The following MACROD2 variants were observed in gnomAD, a reference collection of about 807,000 sequenced individuals.
MACROD2 encodes ADP-ribose glycohydrolase MACROD2.
Under a neutral mutation model 70.4 loss-of-function variants are expected in MACROD2, and 36 were observed. The ratio of observed to expected loss-of-function variants is 0.51; its 90% confidence interval spans 0.39 to 0.68. The LOEUF (loss-of-function observed/expected upper bound fraction) is 0.68, where lower values mean the gene tolerates loss of function less well. MACROD2 is among the 30% of genes least tolerant of loss of function. MACROD2 has a pLI of 0.00. For synonymous variants in MACROD2, 172 were observed against 178.8 expected (o/e 0.96, Z 0.30); for missense variants, 496 against 538.4 (o/e 0.92, Z 0.78).
chr20:14,108,814 A>T (rs2054407034), intron 3 of MACROD2, among the ~76,000 whole-genome samples: 3 of 152,046 alleles, frequency 2.0e-5, no homozygotes, highest in Admixed American at 1.3e-4. Flanking sequence ...ATACAATAAT[A>T]ACTGGAGACT....
intron 5 of MACROD2, among the ~76,000 whole-genome samples, chr20:14,836,547 C>T (rs74650774): frequency 0.016 from 2,451 of 152,042 alleles, 77 homozygotes; most frequent in African/African-American, 0.055. Flanking sequence ...AGTAGGAATC[C>T]TCCAATCTGA....
chr20:14,152,531 A>G (rs2055039811), intron 3 of MACROD2, among the ~76,000 whole-genome samples: 1 of 151,314 alleles, frequency 6.6e-6, no homozygotes, highest in African/African-American at 2.4e-5. Context: ...GGTTCAAGCA[A>G]TTCTCCTGCC....
At chr20:15,861,376 G>A (rs2064422212) in intron 8 of MACROD2, among the ~76,000 whole-genome samples, 1 of 152,206 alleles carries the variant, frequency 6.6e-6, no homozygotes, top group African/African-American at 2.4e-5. Context: ...CCTGGGGAAT[G>A]AGTTGACAAT....
At chr20:14,721,021 G>A (rs964904588) in intron 5 of MACROD2, among the ~76,000 whole-genome samples, 1 of 151,972 alleles carries the variant, frequency 6.6e-6, no homozygotes, top group Non-Finnish European at 1.5e-5. Context: ...TAGGGAGGCC[G>A]AGGCGGGTGG....
intron 4 of MACROD2, among the ~76,000 whole-genome samples, chr20:14,553,281 T>G (rs956795738): frequency 1.3e-5 from 2 of 151,916 alleles, no homozygotes; most frequent in African/African-American, 2.4e-5. Context: ...GTCTTCCACC[T>G]CCACATCTTT....
At chr20:15,170,909 G>T (rs950074124) in intron 5 of MACROD2, among the ~76,000 whole-genome samples, 2 of 152,220 alleles carry the variant, frequency 1.3e-5, no homozygotes, top group Non-Finnish European at 2.9e-5. Flanking sequence ...GCCCAGCTTA[G>T]AGAGAGAGAT....
intron 6 of MACROD2, among the ~76,000 whole-genome samples, chr20:15,253,555 G>A (rs11907454): frequency 0.093 from 14,158 of 152,210 alleles, 1,492 homozygotes; most frequent in African/African-American, 0.26. Flanking sequence ...TTGTAAAGCA[G>A]TGAACACTAG....
chr20:14,426,659 A>C (rs1291329795), intron 3 of MACROD2, among the ~76,000 whole-genome samples: 2 of 152,096 alleles, frequency 1.3e-5, no homozygotes, highest in African/African-American at 2.4e-5. Flanking sequence ...TAAACTTCAG[A>C]GTTATCATCT....
chr20:14,764,148 A>G (rs868026729), intron 5 of MACROD2, among the ~76,000 whole-genome samples: 1 of 151,992 alleles, frequency 6.6e-6, no homozygotes, highest in Admixed American at 6.6e-5. Context: ...AGGAGATGAG[A>G]GGGAAGGAGA....
intron 2 of MACROD2, among the ~76,000 whole-genome samples, chr20:14,076,956 A>T (rs2053923573): frequency 6.6e-6 from 1 of 152,220 alleles, no homozygotes. Context: ...CTTCTTGTAT[A>T]TCAAGCATAG....
chr20:15,772,418 AGC>A (rs1436513638), intron 8 of MACROD2, among the ~76,000 whole-genome samples: 1 of 152,036 alleles, frequency 6.6e-6, no homozygotes, highest in African/African-American at 2.4e-5. Context: ...GCTATAGCAG[AGC>A]TAGGTTTCTA....
intron 5 of MACROD2, among the ~76,000 whole-genome samples, chr20:15,033,297 T>C (rs2075289334): frequency 1.3e-5 from 2 of 152,194 alleles, no homozygotes; most frequent in Non-Finnish European, 2.9e-5. Context: ...AATGTTTACC[T>C]CTGCTGCCAA....
intron 5 of MACROD2, among the ~76,000 whole-genome samples, chr20:14,840,012 CATCTTT>C (rs1344960193): frequency 2.7e-5 from 4 of 150,604 alleles, no homozygotes; most frequent in African/African-American, 9.7e-5. Flanking sequence ...GTATATAAAA[CATCTTT>C]TAGAGTCTCC....
At chr20:14,808,573 C>G in intron 5 of MACROD2, among the ~76,000 whole-genome samples, 1 of 152,022 alleles carries the variant, frequency 6.6e-6, no homozygotes, top group Non-Finnish European at 1.5e-5. Flanking sequence ...GGATCAAATT[C>G]ACACATAACA....
Position 15,260,343 on chromosome 20 carries a change from A to AT in MACROD2, c.540+30295dup, listed in dbSNP as rs71190182. ...TTTTACTTTCTATCTCCATGAGATC[A>AT]TTTTTTTTTTTTTAGCTCCCACATA... On this transcript the variant is annotated intron_variant, in intron 6 of 17. Transcript: ENST00000684519. Among the ~76,000 whole-genome samples, 1,231 of 145,750 alleles carry AT rather than the reference A, an allele frequency of 8.4e-3. 6 individuals are homozygous for AT. Among genetic ancestry groups the AT allele is most frequent in the East Asian group, 0.019 (96 of 4,938 alleles).
chr20:15,237,663 C>G (rs764068708), intron 6 of MACROD2, among the ~76,000 whole-genome samples: 5 of 152,038 alleles, frequency 3.3e-5, no homozygotes, highest in Non-Finnish European at 7.4e-5. Flanking sequence ...AAAAAGCAGC[C>G]AGGAGGAGTG....
At chr20:14,792,289 G>GAT (rs1202027567) in intron 5 of MACROD2, among the ~76,000 whole-genome samples, 3 of 151,900 alleles carry the variant, frequency 2.0e-5, no homozygotes, top group Non-Finnish European at 2.9e-5. Flanking sequence ...GTTACTTGTG[G>GAT]ATACACACAC....
At chr20:14,670,539 T>A (rs1241895069) in intron 4 of MACROD2, among the ~76,000 whole-genome samples, 3 of 152,176 alleles carry the variant, frequency 2.0e-5, no homozygotes, top group African/African-American at 7.2e-5. Context: ...CCCAGTAATT[T>A]AACACTTCTG....
intron 5 of MACROD2, among the ~76,000 whole-genome samples, chr20:15,194,446 AC>A (rs2076592312): frequency 6.6e-6 from 1 of 151,992 alleles, no homozygotes; most frequent in Non-Finnish European, 1.5e-5. Flanking sequence ...TTAATCTTCT[AC>A]TTTGAAAACT....
Sources: allele counts gnomAD v4.1 joint callset (sites outside exome capture counted in the v4.1 genomes callset), GRCh38; gene constraint gnomAD v4.1.1; transcripts MANE v1.5; gene names NCBI Gene and HGNC (gene_info 2026-07-23, HGNC 2026-07-21).